Variants in MAP2 observed in about 807,000 individuals in gnomAD.
MAP2 encodes the protein microtubule associated protein 2, also known as microtubule-associated protein 2.
In MAP2, 14 loss-of-function variants were observed where a neutral mutation model predicts 137.6. That is an observed-to-expected ratio of 0.10 (90% CI 0.07 to 0.16). The LOEUF (loss-of-function observed/expected upper bound fraction) is 0.16, where lower values mean the gene tolerates loss of function less well. MAP2 is among the 10% of genes least tolerant of loss of function. The pLI is 1.00. For synonymous variants in MAP2, 786 were observed against 782.3 expected, an observed-to-expected ratio of 1.00 and a Z score of -0.08; for missense variants, 2,088 against 2,191.5, an observed-to-expected ratio of 0.95 and a Z score of 0.94.
At chr2:209,630,013 A>G (rs931063916) in intron 4 of MAP2, among the ~76,000 whole-genome samples, 15 of 152,152 alleles carry the variant, frequency 9.9e-5, no homozygotes, top group Admixed American at 7.9e-4. Flanking sequence ...TAACTGTTTG[A>G]CCAAATGGAG....
chr2:209,514,305 A>G (rs904548912), intron 2 of MAP2, among the ~76,000 whole-genome samples: 2 of 152,092 alleles, frequency 1.3e-5, no homozygotes, highest in African/African-American at 2.4e-5. Context: ...TGCAGCTTCA[A>G]ATGTCTTTGG....
intron 13 of MAP2, among the ~76,000 whole-genome samples, chr2:209,717,465 T>C (rs1266046654): frequency 1.3e-5 from 2 of 152,176 alleles, no homozygotes; most frequent in African/African-American, 4.8e-5. Context: ...CAAATCATAT[T>C]GTTACCCTCG....
chr2:209,465,891 G>A (rs1704014910), intron 1 of MAP2, among the ~76,000 whole-genome samples: 1 of 152,162 alleles, frequency 6.6e-6, no homozygotes, highest in South Asian at 2.1e-4. Context: ...GTGAAGCCAA[G>A]CCTCTGAAAG....
intron 12 of MAP2, among the ~76,000 whole-genome samples, chr2:209,708,553 A>C (rs1304575609): frequency 6.6e-6 from 1 of 152,178 alleles, no homozygotes; most frequent in Non-Finnish European, 1.5e-5. Context: ...CATCTTGTAA[A>C]TATTTAAGCA....
At chr2:209,649,228 GCTGGT>G (rs1295353461) in intron 4 of MAP2, among the ~76,000 whole-genome samples, 2 of 151,710 alleles carry the variant, frequency 1.3e-5, no homozygotes, top group African/African-American at 4.8e-5. Flanking sequence ...TGTTGATCAG[GCTGGT>G]CTTGAACTCC....
intron 5 of MAP2, among the ~76,000 whole-genome samples, chr2:209,670,557 C>T (rs1467604598): frequency 6.6e-6 from 1 of 151,872 alleles, no homozygotes; most frequent in African/African-American, 2.4e-5. Context: ...CATTTTCCTC[C>T]TTGACCAAAT....
chr2:209,434,694 T>G (rs1366119019), intron 1 of MAP2, among the ~76,000 whole-genome samples: 1 of 150,922 alleles, frequency 6.6e-6, no homozygotes, highest in Non-Finnish European at 1.5e-5. Flanking sequence ...TGATAGTGCA[T>G]GTCTGTAGTC....
At chr2:209,587,752 C>T (rs1461606284) in intron 3 of MAP2, among the ~76,000 whole-genome samples, 3 of 152,228 alleles carry the variant, frequency 2.0e-5, no homozygotes, top group Non-Finnish European at 2.9e-5. Context: ...TCTGTGGTGT[C>T]CTCATCCTTA....
At chr2:209,599,092 C>T (rs1234526747) in intron 3 of MAP2, among the ~76,000 whole-genome samples, 2 of 152,188 alleles carry the variant, frequency 1.3e-5, no homozygotes, top group Non-Finnish European at 2.9e-5. Flanking sequence ...TATTTCTCCA[C>T]ATCCTCTCCA....
rs556217575 is a variant in MAP2 at position 209,731,287 on chromosome 2, G to A, written c.*890G>A. 3.9e-4 allele frequency: 59 copies of A among 152,178 alleles called. No homozygotes were observed. Among genetic ancestry groups the A allele is most frequent in the African/African-American group, 1.4e-3 (56 of 41,398 alleles). 9.4% of individuals were successfully genotyped at this position (152,178 alleles called of 1,614,324 possible). A position where few individuals can be genotyped will look rare whatever the true frequency, so the allele number is the denominator to read the frequency against. On this transcript the variant is annotated 3_prime_UTR_variant, in exon 16 of 16. Transcript: ENST00000682079. Reference sequence around the variant, plus strand: ...TGCACCCTTTGGTGTTGCAATTTTAGATATGTGAAAGTAGATGTTAGCAGG... The same window carrying A: ...TGCACCCTTTGGTGTTGCAATTTTAAATATGTGAAAGTAGATGTTAGCAGG...
chr2:209,664,962 C>CAAAAAAAA (rs67286716), intron 5 of MAP2, among the ~76,000 whole-genome samples: 5 of 51,824 alleles, frequency 9.6e-5, no homozygotes, highest in South Asian at 7.2e-4. Flanking sequence ...AACTCCGTCT[C>CAAAAAAAA]AAAAAAAAAA....
In MAP2 at chr2:209,498,253, C is replaced by T. The variant is rs536068712; in HGVS notation, c.-221-9339C>T. Among the ~76,000 whole-genome samples the T allele has an allele frequency of 9.2e-5, 14 of 152,354 alleles. No homozygotes were observed. In the East Asian group the frequency reaches 1.7e-3, roughly 19 times the overall value. Reference sequence around the variant, plus strand: ...AAAGCTCCAAAATAATATCTTTTGACTCCATGTCTTACATCCACAGCACAC... The same window carrying T: ...AAAGCTCCAAAATAATATCTTTTGATTCCATGTCTTACATCCACAGCACAC... On this transcript the variant is annotated intron_variant, in intron 1 of 15. Transcript: ENST00000682079.
At chr2:209,640,608 A>G (rs993444798) in intron 4 of MAP2, among the ~76,000 whole-genome samples, 1 of 152,074 alleles carries the variant, frequency 6.6e-6, no homozygotes, top group African/African-American at 2.4e-5. Context: ...TATATTTGGA[A>G]TGTGATTTTA....
At chr2:209,667,511 G>C (rs2046869245) in intron 5 of MAP2, among the ~76,000 whole-genome samples, 1 of 151,724 alleles carries the variant, frequency 6.6e-6, no homozygotes, top group African/African-American at 2.4e-5. Flanking sequence ...TTCATGATCA[G>C]GGCTCCTGTA....
At chr2:209,496,451 C>T (rs2059769400) in intron 1 of MAP2, among the ~76,000 whole-genome samples, 1 of 152,154 alleles carries the variant, frequency 6.6e-6, no homozygotes, top group Non-Finnish European at 1.5e-5. Flanking sequence ...ACCTCTGACC[C>T]TATAGCCCTA....
At position 209,631,363 on chromosome 2, in the gene MAP2, A is replaced by T. The variant is rs577311195; in HGVS notation, c.-30+6234A>T. ...TACAAAACTTGGCATGAATGTGATT[A>T]TGAGTTTGGGATGCTTTAAAACCTC... is the stretch of plus-strand genomic sequence containing the variant. On this transcript the variant is annotated intron_variant, in intron 4 of 15. Coordinates refer to ENST00000682079, the MANE Select transcript of MAP2 (RefSeq NM_001375505.1). Among the ~76,000 whole-genome samples the T allele has an allele frequency of 1.2e-4, 18 of 152,226 alleles. No individual in the cohort carries two copies. The South Asian group carries it at 3.3e-3, about 28-fold the overall frequency.
chr2:209,561,852 A>G (rs1175848159), intron 2 of MAP2, among the ~76,000 whole-genome samples: 3 of 152,192 alleles, frequency 2.0e-5, no homozygotes, highest in Admixed American at 1.3e-4. Flanking sequence ...CAGACCACCA[A>G]CTTAATGTAA....
chr2:209,686,784 G>C (rs2153700798), intron 7 of MAP2, among the ~76,000 whole-genome samples: 1 of 152,212 alleles, frequency 6.6e-6, no homozygotes, highest in Non-Finnish European at 1.5e-5. Flanking sequence ...ATTTCAATAA[G>C]AAATATGCAA....
chr2:209,505,140 CTG>C (rs772017750), intron 1 of MAP2, among the ~76,000 whole-genome samples: 36 of 152,200 alleles, frequency 2.4e-4, no homozygotes, highest in Admixed American at 7.9e-4. Context: ...CAACAAGAAA[CTG>C]TGCTTAACGG....
Sources: allele counts gnomAD v4.1 joint callset (sites outside exome capture counted in the v4.1 genomes callset), GRCh38; gene constraint gnomAD v4.1.1; transcripts MANE v1.5; gene names NCBI Gene and HGNC (gene_info 2026-07-23, HGNC 2026-07-21).